The following CNTNAP5 variants were observed in gnomAD, a reference collection of about 807,000 sequenced individuals.
CNTNAP5 encodes the protein contactin associated protein family member 5.
A neutral mutation model predicts 150.2 loss-of-function variants in CNTNAP5; 72 were observed. The ratio of observed to expected loss-of-function variants is 0.48; its 90% CI spans 0.40 to 0.58. The LOEUF (loss-of-function observed/expected upper bound fraction) is 0.58, where lower values mean the gene tolerates loss of function less well. CNTNAP5 is among the 20% of genes least tolerant of loss of function. The probability of loss-of-function intolerance (pLI) is 0.00; values close to 1 mark genes in which losing one functional copy is unlikely to be tolerated. For missense variants in CNTNAP5, 1,636 were observed against 1,626.2 expected, an observed-to-expected ratio of 1.01 and a Z score of -0.10; for synonymous variants, 672 against 619.8, an observed-to-expected ratio of 1.08 and a Z score of -1.25.
intron 20 of CNTNAP5, among the ~76,000 whole-genome samples, chr2:124,867,247 T>C (rs527514528): frequency 6.6e-6 from 1 of 152,218 alleles, no homozygotes; most frequent in African/African-American, 2.4e-5. Context: ...AGCATATCTC[T>C]GGGTAAAGAG....
chr2:124,759,109 C>A (rs117602424), intron 14 of CNTNAP5, among the ~76,000 whole-genome samples: 1 of 151,774 alleles, frequency 6.6e-6, no homozygotes, highest in East Asian at 1.9e-4. Context: ...CATTTGGGAA[C>A]ATTTTTGAGA....
intron 19 of CNTNAP5, among the ~76,000 whole-genome samples, chr2:124,852,544 G>C (rs1373747498): frequency 6.6e-6 from 1 of 152,234 alleles, no homozygotes; most frequent in African/African-American, 2.4e-5. Context: ...TGCAGACCAT[G>C]TCAAAGAATT....
rs1032064306 is a variant in CNTNAP5, at chr2:124,695,615, A to G, written c.2077+47657A>G. 2.0e-5 allele frequency among the ~76,000 whole-genome samples: 3 copies of G among 152,180 alleles called. No homozygotes were observed. The East Asian group carries it at 5.8e-4, about 29-fold the overall frequency. On this transcript the variant is annotated intron_variant, in intron 13 of 23. Coordinates refer to ENST00000682447, the MANE Select transcript of CNTNAP5 (RefSeq NM_001367498.1). ...ATTTATAATAGAGGAAATGTCTTCC[A>G]AACTTAAGTGGGATGCAAAGGGTAT...
chr2:124,650,140 G>A (rs73955543), intron 13 of CNTNAP5, among the ~76,000 whole-genome samples: 10 of 152,108 alleles, frequency 6.6e-5, no homozygotes, highest in African/African-American at 1.4e-4. Context: ...TTCATTAATC[G>A]TCTTTCCCCA....
At chr2:124,673,222 C>T (rs1364536880) in intron 13 of CNTNAP5, among the ~76,000 whole-genome samples, 1 of 141,530 alleles carries the variant, frequency 7.1e-6, no homozygotes, top group Admixed American at 7.0e-5. Context: ...AGTACACAAT[C>T]TTAAAACACT....
intron 11 of CNTNAP5, among the ~76,000 whole-genome samples, chr2:124,567,165 C>CT (rs1696042864): frequency 6.6e-6 from 1 of 152,246 alleles, no homozygotes; most frequent in Non-Finnish European, 1.5e-5. Flanking sequence ...ATAGGATTAA[C>CT]TTTTTTTGTC....
At chr2:124,115,199 G>A (rs1683395120) in intron 1 of CNTNAP5, among the ~76,000 whole-genome samples, 1 of 152,144 alleles carries the variant, frequency 6.6e-6, no homozygotes. Flanking sequence ...AATCATAGAT[G>A]TACAATTCAA....
chr2:124,055,632 T>G (rs946547614), intron 1 of CNTNAP5, among the ~76,000 whole-genome samples: 1 of 36,108 alleles, frequency 2.8e-5, no homozygotes, highest in African/African-American at 8.7e-5. Flanking sequence ...ACTGAGAGAA[T>G]CCCAAGTCTT....
At chr2:124,893,474 G>A (rs1678241319) in intron 21 of CNTNAP5, among the ~76,000 whole-genome samples, 1 of 152,132 alleles carries the variant, frequency 6.6e-6, no homozygotes. Flanking sequence ...CATCAAAGCA[G>A]TGTGTTGTCT....
intron 1 of CNTNAP5, among the ~76,000 whole-genome samples, chr2:124,211,190 G>A (rs560546972): frequency 3.3e-5 from 5 of 152,184 alleles, no homozygotes; most frequent in African/African-American, 4.8e-5. Flanking sequence ...AAACCGTGTG[G>A]ATGGAAATAT....
rs550660353 is a variant in CNTNAP5, at chr2:124,675,499, A to C, written c.2077+27541A>C. ...CAGGATTCCCACTTGCCATTTTTCT[A>C]CTTCTTTATTGGAGTCTATTTTTCA... On this transcript the variant is annotated intron_variant, in intron 13 of 23. Transcript: ENST00000682447. Among the ~76,000 whole-genome samples the C allele has an allele frequency of 6.6e-4, 101 of 152,116 alleles. 2 individuals carry two copies. In the South Asian group the frequency reaches 0.02, roughly 30 times the overall value.
intron 17 of CNTNAP5, among the ~76,000 whole-genome samples, chr2:124,777,690 A>G (rs756922728): frequency 1.3e-5 from 2 of 151,958 alleles, no homozygotes; most frequent in Non-Finnish European, 2.9e-5. Context: ...GTTTGTCTAC[A>G]ACTTCTTCTG....
chr2:124,493,404 G>C (rs112138316), intron 7 of CNTNAP5, among the ~76,000 whole-genome samples: 6,080 of 151,798 alleles, frequency 0.04, 142 homozygotes, highest in Non-Finnish European at 0.042. Context: ...ACAGTGGTGT[G>C]ATCTCAGCTC....
chr2:124,772,054 A>G (rs1168234283), intron 16 of CNTNAP5, among the ~76,000 whole-genome samples: 1 of 151,370 alleles, frequency 6.6e-6, no homozygotes, highest in Non-Finnish European at 1.5e-5. Flanking sequence ...CACCATCACC[A>G]TCAGCATTAA....
At chr2:124,347,467 C>T (rs775384897) in intron 3 of CNTNAP5, among the ~76,000 whole-genome samples, 2 of 152,152 alleles carry the variant, frequency 1.3e-5, no homozygotes, top group Non-Finnish European at 2.9e-5. Flanking sequence ...GGCAGAAGGA[C>T]ACGTCTGAGA....
At chr2:124,298,018 T>A (rs1688484703) in intron 3 of CNTNAP5, among the ~76,000 whole-genome samples, 1 of 151,994 alleles carries the variant, frequency 6.6e-6, no homozygotes, top group Admixed American at 6.6e-5. Flanking sequence ...CTAATTTTTG[T>A]TCTTTTAGTA....
intron 13 of CNTNAP5, among the ~76,000 whole-genome samples, chr2:124,739,015 T>C (rs1680446680): frequency 6.6e-6 from 1 of 152,210 alleles, no homozygotes; most frequent in Non-Finnish European, 1.5e-5. Flanking sequence ...TGTCCATCTC[T>C]TTGTCTAACC....
At chr2:124,793,334 A>C (rs1681777816) in intron 18 of CNTNAP5, among the ~76,000 whole-genome samples, 1 of 152,078 alleles carries the variant, frequency 6.6e-6, no homozygotes, top group South Asian at 2.1e-4. Context: ...GTATACATAA[A>C]TTTTTTGGAG....
chr2:124,189,646 C>A (rs1346027156), intron 1 of CNTNAP5, among the ~76,000 whole-genome samples: 1 of 152,080 alleles, frequency 6.6e-6, no homozygotes, highest in African/African-American at 2.4e-5. Flanking sequence ...TCAAATTAAC[C>A]AAGGAGAAAA....
Sources: allele counts gnomAD v4.1 joint callset (sites outside exome capture counted in the v4.1 genomes callset), GRCh38; gene constraint gnomAD v4.1.1; transcripts MANE v1.5; gene names NCBI Gene and HGNC (gene_info 2026-07-23, HGNC 2026-07-21).